ARAP2: variants seen among roughly 807,000 people sequenced by gnomAD.
The protein encoded by ARAP2 is arf-GAP with Rho-GAP domain, ANK repeat and PH domain-containing protein 2.
ARAP2 carries 148 observed loss-of-function variants against 194.5 expected under a neutral mutation model. The ratio of observed to expected loss-of-function variants is 0.76; its 90% CI spans 0.67 to 0.87. ARAP2 has a LOEUF of 0.87. Among genes scored for constraint, ARAP2 ranks in the 40% least tolerant of loss-of-function variants. The probability of loss-of-function intolerance (pLI) is 0.00; values close to 1 mark genes in which losing one functional copy is unlikely to be tolerated. For synonymous variants in ARAP2, 695 were observed against 683.5 expected, an observed-to-expected ratio of 1.02 and a Z score of -0.26; for missense variants, 2,128 against 1,989.7, an observed-to-expected ratio of 1.07 and a Z score of -1.32.
intron 21 of ARAP2, among the ~76,000 whole-genome samples, chr4:36,127,665 T>G (rs1166755591): frequency 6.6e-6 from 1 of 151,908 alleles, no homozygotes; most frequent in East Asian, 1.9e-4. Context: ...CACATTATAA[T>G]TATGGAATAA....
chr4:36,023,951 A>C (rs1429594087), intron 5 of ARAP2, among the ~76,000 whole-genome samples: 1 of 80,828 alleles, frequency 1.2e-5, no homozygotes, highest in African/African-American at 3.7e-5. Context: ...GATGATTTCC[A>C]ATTTAATCAA....
At chr4:36,127,205 T>C (rs1724148767) in intron 21 of ARAP2, among the ~76,000 whole-genome samples, 1 of 152,114 alleles carries the variant, frequency 6.6e-6, no homozygotes, top group African/African-American at 2.4e-5. Context: ...AGAGATACTC[T>C]AAACAGCTTC....
At chr4:36,227,138 G>A (rs1218489862) in intron 2 of ARAP2, among the ~76,000 whole-genome samples, 1 of 152,130 alleles carries the variant, frequency 6.6e-6, no homozygotes, top group Non-Finnish European at 1.5e-5. Context: ...AGATGTACTG[G>A]TAGGAAATCC....
At chr4:36,162,187 T>C (rs929109750) in intron 11 of ARAP2, among the ~76,000 whole-genome samples, 3 of 152,110 alleles carry the variant, frequency 2.0e-5, no homozygotes, top group African/African-American at 4.8e-5. Context: ...CAGACACATG[T>C]ATAAATATTT....
intron 6 of ARAP2, among the ~76,000 whole-genome samples, chr4:36,200,390 G>A (rs1426668205): frequency 1.3e-5 from 2 of 151,896 alleles, no homozygotes; most frequent in African/African-American, 2.4e-5. Flanking sequence ...TGAGTAGCTG[G>A]GATTACGGGC....
At chr4:36,158,683 G>C in intron 15 of ARAP2, 47 bp downstream of exon 15, 1 of 1,470,642 alleles carries the variant, frequency 6.8e-7, no homozygotes, top group South Asian at 1.3e-5. Flanking sequence ...TTTGATAATG[G>C]AATAAAGTTT....
At chr4:36,022,236 A>T (rs1468743512) in intron 5 of ARAP2, among the ~76,000 whole-genome samples, 1 of 152,142 alleles carries the variant, frequency 6.6e-6, no homozygotes. Flanking sequence ...TGGGATTACA[A>T]TTATTTTGTT....
chr4:36,044,397 A>G (rs1349141473), intron 5 of ARAP2, among the ~76,000 whole-genome samples: 1 of 152,216 alleles, frequency 6.6e-6, no homozygotes, highest in East Asian at 1.9e-4. Context: ...TAGCAGCAGT[A>G]GAATATGGTG....
rs200937553 is a variant in ARAP2, at chr4:36,114,155, A to G, written c.4156+15T>C. The G allele has an allele frequency of 9.0e-5, 136 of 1,510,526 alleles. 2 individuals are homozygous for G. The African/African-American group carries it at 1.2e-3, about 13-fold the overall frequency. The allele number at this position is 1,510,526 out of a possible 1,614,324, so 93.6% of individuals were successfully genotyped here. ...TATAAGTAATTTAAGAATCCCTAGC[A>G]TAAAAATCACTTACCTAGCTCTTCA... On this transcript the variant is annotated intron_variant, in intron 26 of 32. Transcript: ENST00000303965.
chr4:36,075,807 T>C (rs893141321), intron 31 of ARAP2, among the ~76,000 whole-genome samples: 4 of 152,170 alleles, frequency 2.6e-5, no homozygotes, highest in East Asian at 3.8e-4. Flanking sequence ...TGCCAGTTGA[T>C]GGAGGACAAA....
intron 32 of ARAP2, among the ~76,000 whole-genome samples, chr4:36,072,967 TAATTCCA>T (rs1727390215): frequency 6.6e-6 from 1 of 152,180 alleles, no homozygotes; most frequent in South Asian, 2.1e-4. Flanking sequence ...TTGAACAGCT[TAATTCCA>T]AATTTAGGCT....
At chr4:36,006,396 T>A (rs1243628829) in intron 10 of ARAP2, 1 of 152,242 alleles carries the variant, frequency 6.6e-6, no homozygotes, top group Non-Finnish European at 1.5e-5. Flanking sequence ...ACTCATGAGT[T>A]GATAGCATTC....
At chr4:36,167,826 T>C (rs1735638558) in intron 9 of ARAP2, among the ~76,000 whole-genome samples, 1 of 152,142 alleles carries the variant, frequency 6.6e-6, no homozygotes, top group African/African-American at 2.4e-5. Flanking sequence ...TCTAAAAGCA[T>C]TAAAGTTTGC....
downstream of ARAP2, among the ~76,000 whole-genome samples, chr4:36,061,718 T>C (rs1187014353): frequency 2.6e-5 from 4 of 152,212 alleles, no homozygotes; most frequent in Non-Finnish European, 5.9e-5. Context: ...GTTCTACTTT[T>C]AGTTTCTTGA....
At chr4:36,154,060 A>C (rs1173658929) in intron 15 of ARAP2, among the ~76,000 whole-genome samples, 4 of 152,160 alleles carry the variant, frequency 2.6e-5, no homozygotes, top group African/African-American at 9.7e-5. Context: ...GGGTTCTGGA[A>C]GCTGCCCTCT....
intron 5 of ARAP2, among the ~76,000 whole-genome samples, chr4:36,211,393 T>A (rs1399740292): frequency 6.6e-6 from 1 of 152,186 alleles, no homozygotes; most frequent in Non-Finnish European, 1.5e-5. Flanking sequence ...GCTAAGCATA[T>A]TTCTACAGAT....
intron 6 of ARAP2, chr4:36,209,430 T>C (rs1024071765): frequency 2.2e-6 from 1 of 450,386 alleles, no homozygotes; most frequent in Non-Finnish European, 4.4e-6. Context: ...AGAATGAAAA[T>C]ATATAAGGTA....
At chr4:36,214,599 AT>A in intron 2 of ARAP2, 119 bp from the exon 3 acceptor site, 1 of 596,002 alleles carries the variant, frequency 1.7e-6, no homozygotes, top group Non-Finnish European at 2.6e-6. Context: ...TAAGTGAAGG[AT>A]TTATTAGAGA....
chr4:36,193,792 T>G, intron 6 of ARAP2, 145 bp from the exon 7 acceptor site: 1 of 591,364 alleles, frequency 1.7e-6, no homozygotes, highest in Non-Finnish European at 2.7e-6. Flanking sequence ...TACACAGTTT[T>G]GGCCATGGCA....
Sources: allele counts gnomAD v4.1 joint callset (sites outside exome capture counted in the v4.1 genomes callset), GRCh38; gene constraint gnomAD v4.1.1; transcripts MANE v1.5; gene names NCBI Gene and HGNC (gene_info 2026-07-23, HGNC 2026-07-21).